Variants in BRD10 observed in about 807,000 individuals in gnomAD.
BRD10 encodes the protein bromodomain containing 10, also known as uncharacterized bromodomain-containing protein 10.
chr9:5,988,501 T>C, the BRD10 span: 5 of 1,613,824 alleles, frequency 3.1e-6, no homozygotes, highest in African/African-American at 2.7e-5. Context: ...CAATCCATAA[T>C]AGCCTCTAGA....
the BRD10 span, among the ~76,000 whole-genome samples, chr9:6,005,574 G>A: frequency 1.3e-5 from 2 of 152,114 alleles, no homozygotes. Context: ...AAACCCATAT[G>A]CTATCTCTTA....
At chr9:5,963,868 C>A in the BRD10 span, among the ~76,000 whole-genome samples, 2 of 151,822 alleles carry the variant, frequency 1.3e-5, no homozygotes, top group African/African-American at 4.8e-5. Context: ...GAAGCTGAAA[C>A]TGGATCCCTT....
chr9:5,964,355 G>T, the BRD10 span, among the ~76,000 whole-genome samples: 3 of 151,956 alleles, frequency 2.0e-5, no homozygotes, highest in Non-Finnish European at 4.4e-5. Flanking sequence ...ACCACAATGA[G>T]ATACCATCTC....
chr9:5,916,448 C>G, the BRD10 span, among the ~76,000 whole-genome samples: 1 of 151,698 alleles, frequency 6.6e-6, no homozygotes, highest in Non-Finnish European at 1.5e-5. Flanking sequence ...AGACTTGGGA[C>G]TTGAGCAGGA....
the BRD10 span, chr9:5,924,680 C>T: frequency 6.6e-7 from 1 of 1,514,500 alleles, no homozygotes; most frequent in Middle Eastern, 1.8e-4. Context: ...GATCTTTCTC[C>T]AGGATATCCA....
At chr9:5,999,283 A>C in the BRD10 span, among the ~76,000 whole-genome samples, 1 of 152,114 alleles carries the variant, frequency 6.6e-6, no homozygotes, top group Admixed American at 6.6e-5. Flanking sequence ...TAAATCTAGC[A>C]TATTATCTCA....
the BRD10 span, chr9:5,919,892 G>C: frequency 1.2e-6 from 2 of 1,613,974 alleles, no homozygotes; most frequent in South Asian, 1.1e-5. Context: ...ATGAAACACT[G>C]AAGTGCTACT....
the BRD10 span, among the ~76,000 whole-genome samples, chr9:6,002,055 G>C: frequency 6.6e-6 from 1 of 152,194 alleles, no homozygotes; most frequent in South Asian, 2.1e-4. Context: ...TCAGGATGTT[G>C]TGAAAATAGT....
At chr9:5,954,728 C>T in the BRD10 span, among the ~76,000 whole-genome samples, 3 of 152,156 alleles carry the variant, frequency 2.0e-5, no homozygotes, top group Non-Finnish European at 4.4e-5. Context: ...AGAGCCAATT[C>T]ACAGTATACA....
the BRD10 span, chr9:5,920,148 A>C: frequency 5.0e-6 from 8 of 1,613,912 alleles, no homozygotes; most frequent in Non-Finnish European, 8.5e-7. Context: ...CCACTTAAGG[A>C]ATTATTTGAT....
At chr9:5,906,466 C>T in the BRD10 span, among the ~76,000 whole-genome samples, 1 of 152,268 alleles carries the variant, frequency 6.6e-6, no homozygotes, top group South Asian at 2.1e-4. Context: ...TAAAGAACTT[C>T]AAAAGTTTCC....
the BRD10 span, among the ~76,000 whole-genome samples, chr9:5,882,516 C>A: frequency 6.6e-6 from 1 of 152,170 alleles, no homozygotes; most frequent in Non-Finnish European, 1.5e-5. Flanking sequence ...CAAAAGACTG[C>A]AAAACCACAG....
chr9:5,936,982 A>G, the BRD10 span, among the ~76,000 whole-genome samples: 1 of 152,206 alleles, frequency 6.6e-6, no homozygotes, highest in Non-Finnish European at 1.5e-5. Flanking sequence ...CTGTAATCCC[A>G]GCACTTTGGG....
At chr9:5,910,815 G>A in the BRD10 span, 1 of 152,360 alleles carries the variant, frequency 6.6e-6, no homozygotes, top group East Asian at 1.9e-4. Context: ...CTCTGAAGAT[G>A]ACTCCTTGGA....
the BRD10 span, among the ~76,000 whole-genome samples, chr9:5,984,491 G>A: frequency 6.6e-6 from 1 of 152,010 alleles, no homozygotes; most frequent in Admixed American, 6.6e-5. Context: ...AGATAAAATG[G>A]AATATTAAAG....
chr9:5,984,062 A>G, the BRD10 span, among the ~76,000 whole-genome samples: 1 of 152,006 alleles, frequency 6.6e-6, no homozygotes, highest in African/African-American at 2.4e-5. Flanking sequence ...GTCAAAAAAA[A>G]ACCTCAGAAT....
chr9:5,966,979 A>G, the BRD10 span, among the ~76,000 whole-genome samples: 1 of 152,214 alleles, frequency 6.6e-6, no homozygotes, highest in Non-Finnish European at 1.5e-5. Context: ...TCAATGATAC[A>G]TTATATACAT....
chr9:5,940,485 G>A, the BRD10 span, among the ~76,000 whole-genome samples: 51 of 152,248 alleles, frequency 3.3e-4, no homozygotes, highest in East Asian at 1.9e-3. Context: ...GAGCCACCGC[G>A]CCTGGCCTAT....
chr9:5,905,063 G>A, the BRD10 span, among the ~76,000 whole-genome samples: 4 of 152,144 alleles, frequency 2.6e-5, no homozygotes, highest in South Asian at 2.1e-4. Flanking sequence ...GTGAGCCACC[G>A]TGCCCGGCCT....
Sources: allele counts gnomAD v4.1 joint callset (sites outside exome capture counted in the v4.1 genomes callset), GRCh38; gene constraint gnomAD v4.1.1; transcripts MANE v1.5; gene names NCBI Gene and HGNC (gene_info 2026-07-23, HGNC 2026-07-21).